Variants in TTC3 observed in about 807,000 individuals in gnomAD.
TTC3 encodes E3 ubiquitin-protein ligase TTC3.
A neutral mutation model predicts 249.6 loss-of-function variants in TTC3; 180 were observed. The ratio of observed to expected loss-of-function variants is 0.72; its 90% CI spans 0.64 to 0.82. TTC3 has a LOEUF of 0.82. Ranked by LOEUF, TTC3 falls within the 40% of genes least tolerant of loss-of-function variation. TTC3 has a pLI of 0.00. For synonymous variants in TTC3, 717 were observed against 805.0 expected (o/e 0.89, Z 1.85); for missense variants, 2,061 against 2,398.4 (o/e 0.86, Z 2.94).
At chr21:37,084,991 TCAAA>T (rs71328551) in intron 1 of TTC3, among the ~76,000 whole-genome samples, 21 of 151,472 alleles carry the variant, frequency 1.4e-4, no homozygotes, top group South Asian at 8.4e-4. Flanking sequence ...AGACTGTGTC[TCAAA>T]CAAACAAACA....
At chr21:37,156,747 T>C (rs1255496741) in exon 28 of TTC3, 3 of 1,613,954 alleles carry the variant, frequency 1.9e-6, no homozygotes, top group Non-Finnish European at 2.5e-6. Context: ...GAATGAGAAA[T>C]ATGGTCACAA....
At chr21:37,112,120 A>T (rs537292700) in intron 11 of TTC3, among the ~76,000 whole-genome samples, 1 of 152,278 alleles carries the variant, frequency 6.6e-6, no homozygotes, top group South Asian at 2.1e-4. Flanking sequence ...TTGACACCCT[A>T]ACATCACAAA....
intron 13 of TTC3, 123 bp from the exon 14 acceptor site, chr21:37,124,496 G>A (rs2076901400): frequency 9.8e-7 from 1 of 1,019,776 alleles, no homozygotes; most frequent in Non-Finnish European, 1.4e-6. Context: ...CTCACAGGTA[G>A]GAAATCTTTT....
chr21:37,106,170 GT>G (rs1323303033), intron 10 of TTC3, among the ~76,000 whole-genome samples: 2 of 152,134 alleles, frequency 1.3e-5, no homozygotes. Context: ...GATTAAGGAT[GT>G]TTCAGATTTT....
At chr21:37,132,579 C>A (rs755990369) in intron 16 of TTC3, 103 bp from the exon 17 acceptor site, 98 of 745,592 alleles carry the variant, frequency 1.3e-4, no homozygotes, top group Non-Finnish European at 1.9e-4. Flanking sequence ...TCCCAAAGTG[C>A]TGGGATTACA....
At chr21:37,159,425 G>A in intron 28 of TTC3, 1 of 382,250 alleles carries the variant, frequency 2.6e-6, no homozygotes, top group African/African-American at 2.1e-5. Context: ...GGACTGTCTT[G>A]TGCATCTCTA....
intron 28 of TTC3, among the ~76,000 whole-genome samples, chr21:37,157,917 CTCAGAA>C (rs1481075937): frequency 6.6e-6 from 1 of 152,130 alleles, no homozygotes; most frequent in Non-Finnish European, 1.5e-5. Context: ...CCCCAAGTCC[CTCAGAA>C]TCAGAAGTCT....
rs1324400105 is a variant in TTC3, at chr21:37,201,804, G to GT, written c.*231dup. 5.2e-6 allele frequency: 3 copies of GT among 581,518 alleles called. No individual in the cohort carries two copies. In the African/African-American group the frequency reaches 5.7e-5, roughly 11 times the overall value. The allele number at this position is 581,518 out of a possible 1,614,324, so 36.0% of individuals were successfully genotyped here. A position where few individuals can be genotyped will look rare whatever the true frequency, so the allele number is the denominator to read the frequency against. On this transcript the variant is annotated 3_prime_UTR_variant, in exon 46 of 46. Coordinates refer to ENST00000355666, the Ensembl canonical transcript of TTC3. The stretch of plus-strand genomic sequence containing the variant: ...AAAATGACGGCTACCACACTCATGG[G>GT]TCACTGGGGCTGCGCAGGGCTCTTT...
Position 37,147,467 on chromosome 21 carries a change from T to G in TTC3, c.1894-14T>G. The G allele has an allele frequency of 1.9e-6, 3 of 1,592,518 alleles. No homozygotes were observed. The South Asian group carries it at 3.4e-5, about 18-fold the overall frequency. On this transcript the variant is annotated splice_polypyrimidine_tract_variant and intron_variant, in intron 21 of 45. Transcript: ENST00000355666. ...AGTATTGTAATGGTATCATTTTTGT[T>G]TATTTTGTTTTAGATGCTGTTAGAG...
chr21:37,188,744 C>A (rs2083608097), intron 39 of TTC3, 149 bp downstream of exon 39: 2 of 470,174 alleles, frequency 4.3e-6, no homozygotes, highest in Non-Finnish European at 7.4e-6. Flanking sequence ...TTAAGACATA[C>A]AAACAAAAAT....
chr21:37,175,474 G>C (rs1240607362), intron 35 of TTC3, among the ~76,000 whole-genome samples: 1 of 150,880 alleles, frequency 6.6e-6, no homozygotes, highest in Non-Finnish European at 1.5e-5. Context: ...GTGGGCGCCT[G>C]TAATCCCAGC....
At chr21:37,103,200 C>A (rs1401663517) in intron 10 of TTC3, among the ~76,000 whole-genome samples, 1 of 152,160 alleles carries the variant, frequency 6.6e-6, no homozygotes, top group African/African-American at 2.4e-5. Flanking sequence ...CAAGCATCAT[C>A]TTTTAGGGCA....
At chr21:37,176,910 T>TAA (rs2082329427) in intron 35 of TTC3, among the ~76,000 whole-genome samples, 1 of 152,154 alleles carries the variant, frequency 6.6e-6, no homozygotes, top group Non-Finnish European at 1.5e-5. Context: ...GGAATGTTTC[T>TAA]CACCACTTTA....
intron 31 of TTC3, among the ~76,000 whole-genome samples, chr21:37,162,538 A>AT (rs1177460776): frequency 6.6e-6 from 1 of 152,216 alleles, no homozygotes; most frequent in Non-Finnish European, 1.5e-5. Context: ...CAATAAACAA[A>AT]TATTTAAGAA....
At chr21:37,156,086 G>T (rs771165271) in intron 27 of TTC3, among the ~76,000 whole-genome samples, 2 of 151,742 alleles carry the variant, frequency 1.3e-5, no homozygotes, top group Non-Finnish European at 2.9e-5. Context: ...ACCCAGGCTG[G>T]AGTGCAGTGG....
At chr21:37,129,108 C>A in intron 16 of TTC3, 45 bp downstream of exon 16, 1 of 1,411,088 alleles carries the variant, frequency 7.1e-7, no homozygotes, top group Non-Finnish European at 9.6e-7. Flanking sequence ...TTAATATACT[C>A]TTCCCAAGAA....
chr21:37,163,040 T>C (rs1289842359), intron 31 of TTC3, among the ~76,000 whole-genome samples: 1 of 152,240 alleles, frequency 6.6e-6, no homozygotes, highest in Non-Finnish European at 1.5e-5. Flanking sequence ...GGTTTCAACA[T>C]ATGAGTTTTG....
rs533637841 is a variant in TTC3, at chr21:37,088,144, C to T, written c.188-52C>T. ...GCCTTTTTACTATTAAGTGTTGATTCATTAAAAAAATGAGGCACAAACATT... is the reference window on the plus strand; with the variant it reads ...GCCTTTTTACTATTAAGTGTTGATTTATTAAAAAAATGAGGCACAAACATT... On this transcript the variant is annotated intron_variant, in intron 3 of 45. Coordinates refer to ENST00000355666, the Ensembl canonical transcript of TTC3. 15 of 1,447,910 alleles carry T rather than the reference C, an allele frequency of 1.0e-5. No homozygotes were observed. The African/African-American group carries it at 2.0e-4, about 19-fold the overall frequency. 89.7% of individuals were successfully genotyped at this position (1,447,910 alleles called of 1,614,324 possible). A position where few individuals can be genotyped will look rare whatever the true frequency, so the allele number is the denominator to read the frequency against.
chr21:37,088,159 G>A (rs760994372), intron 3 of TTC3, 37 bp from the exon 4 acceptor site: 23 of 1,476,728 alleles, frequency 1.6e-5, no homozygotes, highest in Non-Finnish European at 2.1e-5. Context: ...AAAAAATGAG[G>A]CACAAACATT....
Sources: allele counts gnomAD v4.1 joint callset (sites outside exome capture counted in the v4.1 genomes callset), GRCh38; gene constraint gnomAD v4.1.1; transcripts MANE v1.5; gene names NCBI Gene and HGNC (gene_info 2026-07-23, HGNC 2026-07-21).